Variants in BICRA observed in about 807,000 individuals in gnomAD.
BICRA encodes the protein BRD4 interacting chromatin remodeling complex associated protein, also known as BRD4-interacting chromatin-remodeling complex-associated protein.
BICRA carries 31 observed loss-of-function variants against 96.9 expected under a neutral mutation model. That is an observed-to-expected ratio of 0.32 (90% CI 0.24 to 0.43). BICRA has a LOEUF of 0.43. Ranked by LOEUF, BICRA falls within the 20% of genes least tolerant of loss-of-function variation. BICRA has a pLI of 1.00. For missense variants in BICRA, 2,283 were observed against 2,190.3 expected, an observed-to-expected ratio of 1.04 and a Z score of -0.84; for synonymous variants, 1,350 against 1,071.8, an observed-to-expected ratio of 1.26 and a Z score of -5.07.
rs1235246597 is a variant in BICRA, at chr19:47,699,529, C to T, written c.3595+124C>T. 4.7e-6 allele frequency: 3 copies of T among 637,784 alleles called. No individual in the cohort carries two copies. The highest frequency in any genetic ancestry group is 2.8e-5 in the East Asian group (1 of 36,320). 39.5% of individuals were successfully genotyped at this position (637,784 alleles called of 1,614,324 possible). On this transcript the variant is annotated intron_variant, in intron 14 of 14. Coordinates refer to ENST00000594866, the MANE Select transcript of BICRA (RefSeq NM_001394372.1). This position sits in a 1 kb window ranked among gnomAD's most constrained non-coding sequence, Gnocchi z 5.0. The stretch of plus-strand genomic sequence containing the variant: ...ACCTCACTCCACCACTAGGCGGTGC[C>T]CCAGCTCCACCTTCCTGCTGGCAGC...
intron 11 of BICRA, among the ~76,000 whole-genome samples, chr19:47,697,811 C>G (rs1009004201): frequency 1.1e-4 from 16 of 152,170 alleles, no homozygotes; most frequent in Non-Finnish European, 2.1e-4. Context: ...CTCAAGTGAT[C>G]CTCCCACCTC....
chr19:47,645,486 G>A (rs1388621162), intron 1 of BICRA, among the ~76,000 whole-genome samples: 1 of 152,076 alleles, frequency 6.6e-6, no homozygotes, highest in Non-Finnish European at 1.5e-5. Context: ...TGGACAACCC[G>A]CTGCATTCAT....
At chr19:47,611,084 A>T (rs1210161353) in intron 1 of BICRA, among the ~76,000 whole-genome samples, 1 of 152,138 alleles carries the variant, frequency 6.6e-6, no homozygotes, top group Non-Finnish European at 1.5e-5. Flanking sequence ...CAGAGAGGTT[A>T]AGAAGCTTGC....
At chr19:47,633,062 T>G (rs936126080) in intron 1 of BICRA, among the ~76,000 whole-genome samples, 4 of 146,142 alleles carry the variant, frequency 2.7e-5, no homozygotes, top group Non-Finnish European at 4.5e-5. Flanking sequence ...CTGTCATTAA[T>G]TTTATTTGAT....
At chr19:47,678,327 G>A (rs564524665) in intron 5 of BICRA, among the ~76,000 whole-genome samples, 20 of 152,248 alleles carry the variant, frequency 1.3e-4, no homozygotes, top group African/African-American at 4.8e-4. Flanking sequence ...TGTTGGTCAG[G>A]CAGGTCTCAA....
At chr19:47,696,664 C>CA (rs1192677131) in intron 11 of BICRA, among the ~76,000 whole-genome samples, 152 bp downstream of exon 11, 1 of 152,244 alleles carries the variant, frequency 6.6e-6, no homozygotes, top group Admixed American at 6.5e-5. Context: ...CATAGACCCT[C>CA]AGTTTCCCCC....
intron 1 of BICRA, among the ~76,000 whole-genome samples, chr19:47,633,269 G>T (rs572272573): frequency 6.6e-6 from 1 of 151,692 alleles, no homozygotes; most frequent in Admixed American, 6.6e-5. Flanking sequence ...TAGTAGAGAC[G>T]GGGTTTCACC....
At chr19:47,700,908 T>G (rs1973430393) in intron 14 of BICRA, 1 of 222,550 alleles carries the variant, frequency 4.5e-6, no homozygotes, top group Admixed American at 5.6e-5. Flanking sequence ...AGAGCAGTGC[T>G]GTCCAATAGA....
intron 7 of BICRA, among the ~76,000 whole-genome samples, chr19:47,685,509 G>C (rs962670572): frequency 1.3e-5 from 2 of 152,212 alleles, no homozygotes; most frequent in African/African-American, 4.8e-5. Context: ...CGGATGGATG[G>C]CATGGGTGGG....
At chr19:47,659,734 G>A (rs1326156193) in intron 1 of BICRA, among the ~76,000 whole-genome samples, 8 of 123,704 alleles carry the variant, frequency 6.5e-5, no homozygotes, top group Non-Finnish European at 1.1e-4. Context: ...ACACACACAC[G>A]TTCTCTTCTC....
intron 1 of BICRA, among the ~76,000 whole-genome samples, chr19:47,616,858 C>T (rs1297354313): frequency 6.6e-6 from 1 of 151,166 alleles, no homozygotes; most frequent in African/African-American, 2.4e-5. Flanking sequence ...AGACAAGAAT[C>T]TCTCTCTGCG....
At chr19:47,643,096 AG>A (rs764967076) in intron 1 of BICRA, among the ~76,000 whole-genome samples, 2 of 152,150 alleles carry the variant, frequency 1.3e-5, no homozygotes, top group South Asian at 4.1e-4. Context: ...CAGCCTTCTG[AG>A]TAGCTGAGAT....
At chr19:47,610,027 C>T (rs994297071) in intron 1 of BICRA, among the ~76,000 whole-genome samples, 1 of 152,206 alleles carries the variant, frequency 6.6e-6, no homozygotes, top group Admixed American at 6.5e-5. Flanking sequence ...CATCTCCTAC[C>T]CCTCGGCCTG....
chr19:47,631,849 A>G (rs1599795643), intron 1 of BICRA, among the ~76,000 whole-genome samples: 1 of 152,184 alleles, frequency 6.6e-6, no homozygotes, highest in South Asian at 2.1e-4. Flanking sequence ...GGGTTTCGCC[A>G]TATTGGCCAG....
rs1973395735 is a variant in BICRA at position 47,699,002 on chromosome 19, G to C, written c.3435G>C (p.Leu1145=). Residue 1145 remains leucine (L), a synonymous_variant, in exon 13 of 15, where the codon CTG becomes CTC. Transcript: ENST00000594866. This position sits in a 1 kb window ranked among gnomAD's most constrained non-coding sequence, Gnocchi z 5.0. ...TTGAGACGGTCTCCACGCAGCTGCT[G>C]AAACGCACCCAGGCCATGCTCAATA... is the stretch of plus-strand genomic sequence containing the variant. ...EEFETVSTQL[L]KRTQAMLNKY... is the part of the protein sequence containing the mutation. 2 of 1,588,154 alleles carry C rather than the reference G, an allele frequency of 1.3e-6. No individual in the cohort carries two copies. The highest frequency in any genetic ancestry group is 2.7e-5 in the African/African-American group (2 of 74,244).
At chr19:47,618,074 T>A (rs1972011101) in intron 1 of BICRA, among the ~76,000 whole-genome samples, 1 of 152,238 alleles carries the variant, frequency 6.6e-6, no homozygotes, top group Non-Finnish European at 1.5e-5. Context: ...ATTCCCTGTC[T>A]TGGCCACACC....
intron 1 of BICRA, among the ~76,000 whole-genome samples, chr19:47,668,310 A>C (rs532360437): frequency 1.1e-4 from 17 of 152,282 alleles, no homozygotes; most frequent in African/African-American, 3.4e-4. Context: ...GAACATTGGT[A>C]ACCCCAAAAC....
intron 1 of BICRA, among the ~76,000 whole-genome samples, chr19:47,655,600 C>T (rs1265813223): frequency 6.6e-6 from 1 of 150,786 alleles, no homozygotes; most frequent in Non-Finnish European, 1.5e-5. Context: ...TGCCTGTAAT[C>T]CCAGCACTTT....
chr19:47,610,489 C>T (rs1971886676), intron 1 of BICRA, among the ~76,000 whole-genome samples: 1 of 152,234 alleles, frequency 6.6e-6, no homozygotes, highest in East Asian at 1.9e-4. Context: ...GGGTCAGAGG[C>T]CGCGGTGTCA....
Sources: allele counts gnomAD v4.1 joint callset (sites outside exome capture counted in the v4.1 genomes callset), GRCh38; gene constraint gnomAD v4.1.1; non-coding constraint Gnocchi (gnomAD v3.1); transcripts MANE v1.5; gene names NCBI Gene and HGNC (gene_info 2026-07-23, HGNC 2026-07-21).